The following LILRA5 variants were observed in gnomAD, a reference collection of about 807,000 sequenced individuals.
LILRA5 encodes leukocyte immunoglobulin like receptor A5.
LILRA5 carries 31 observed loss-of-function variants against 36.3 expected under a neutral mutation model. The ratio of observed to expected loss-of-function variants is 0.85; its 90% CI spans 0.64 to 1.15. The LOEUF (loss-of-function observed/expected upper bound fraction) is 1.15, where lower values mean the gene tolerates loss of function less well. Ranked by LOEUF, LILRA5 falls within the 50% of genes most tolerant of loss-of-function variation. The pLI, the probability that LILRA5 is intolerant of heterozygous loss-of-function variation, is 0.00. For synonymous variants in LILRA5, 144 were observed against 144.8 expected, an observed-to-expected ratio of 0.99 and a Z score of 0.04; for missense variants, 348 against 377.4, an observed-to-expected ratio of 0.92 and a Z score of 0.64.
rs748582535 is a variant in LILRA5 at position 54,311,561 on chromosome 19, G to T, written c.565C>A (p.Leu189Met). The T allele has an allele frequency of 2.7e-5, 44 of 1,614,086 alleles. No homozygotes were observed. The Admixed American group carries it at 5.2e-4, about 19-fold the overall frequency. The change falls in exon 5 of 7, where the codon CTG (leucine) becomes ATG (methionine). Residue 189 changes from leucine (L) to methionine (M), a missense_variant. Transcript: ENST00000432233. Reference protein sequence around the residue: ...HKLSWTLDSQLTPSGQFQALF... With the variant: ...HKLSWTLDSQMTPSGQFQALF... ...GCCTGGAACTGCCCACTGGGGGTCA[G>T]CTGTGAGTCCAAGGTCCAGGAGAGC...
Position 54,307,317 on chromosome 19 carries a change from T to A in LILRA5, c.*96A>T, listed in dbSNP as rs1042914832. 46 of 1,191,870 alleles carry A rather than the reference T, an allele frequency of 3.9e-5. No individual in the cohort carries two copies. Among genetic ancestry groups the A allele is most frequent in the Non-Finnish European group, 4.8e-5 (42 of 874,212 alleles). 73.8% of individuals were successfully genotyped at this position (1,191,870 alleles called of 1,614,324 possible). ...AGAAATTGCCAGCAGACAGTCCAGATGGCATAGGCCTCAGATGGTCTTCCC... is the reference window on the plus strand; with the variant it reads ...AGAAATTGCCAGCAGACAGTCCAGAAGGCATAGGCCTCAGATGGTCTTCCC... On this transcript the variant is annotated 3_prime_UTR_variant, in exon 7 of 7. Transcript: ENST00000432233.
At chr19:54,312,437 C>G in intron 2 of LILRA5, 67 bp from the exon 3 acceptor site, 1 of 1,614,124 alleles carries the variant, frequency 6.2e-7, no homozygotes, top group East Asian at 2.2e-5. Flanking sequence ...TGCCTGGGAA[C>G]CTCCTAAAAC....
chr19:54,312,358 C>A lies in LILRA5; in HGVS notation c.101G>T (p.Gly34Val). The part of the protein sequence containing the change: ...MVLLCLGLSL[G>V]PRTHVQAGNL... ...ACCTGCCTGCACGTGGGTCCTGGGG[C>A]CCAGACTCAGCCCTGGAAGAGAGTT... Residue 34 changes from glycine to valine, a missense_variant, in exon 3 of 7, where the codon GGC becomes GTC. Coordinates refer to ENST00000432233, the MANE Select transcript of LILRA5 (RefSeq NM_021250.4). 1.2e-6 allele frequency: 2 copies of A among 1,600,566 alleles called. No individual in the cohort carries two copies. The highest frequency in any genetic ancestry group is 1.7e-6 in the Non-Finnish European group (2 of 1,168,888).
chr19:54,307,553 G>C lies in LILRA5; in HGVS notation c.764-4C>G. On this transcript the variant is annotated splice_polypyrimidine_tract_variant and splice_region_variant and intron_variant, in intron 6 of 6. Transcript: ENST00000432233. ...GCGTAATCCTGAAGGTGTGAGGCTGGGGATGGTGGACAAAGAGGTCACAGA... is the reference window on the plus strand; with the variant it reads ...GCGTAATCCTGAAGGTGTGAGGCTGCGGATGGTGGACAAAGAGGTCACAGA... 6.2e-7 allele frequency: 1 copy of C among 1,613,976 alleles called. No individual in the cohort carries two copies. Among genetic ancestry groups the C allele is most frequent in the Non-Finnish European group, 8.5e-7 (1 of 1,179,922 alleles).
intron 5 of LILRA5, chr19:54,310,987 G>A (rs1480400433): frequency 5.4e-5 from 11 of 203,300 alleles, no homozygotes; most frequent in African/African-American, 2.4e-4. Context: ...ACAGAGTCTC[G>A]CTCTGTCACC....
rs1555916425 is a variant in LILRA5 at position 54,307,263 on chromosome 19, A to AG, written c.*149_*150insC. Reference sequence around the variant, plus strand: ...ATCTCAAAAAAAAAAAAAAAAAAAAAAAAGAAAGAAAAGAAAAGAAAGAAA... The same window carrying AG: ...ATCTCAAAAAAAAAAAAAAAAAAAAAGAAAGAAAGAAAAGAAAAGAAAGAAA... On this transcript the variant is annotated 3_prime_UTR_variant, in exon 7 of 7. Coordinates refer to ENST00000432233, the MANE Select transcript of LILRA5 (RefSeq NM_021250.4). 1.5e-5 allele frequency: 8 copies of AG among 548,212 alleles called. No individual in the cohort carries two copies. The East Asian group carries it at 2.1e-4, about 14-fold the overall frequency. The allele number at this position is 548,212 out of a possible 1,614,324, so 34.0% of individuals were successfully genotyped here.
chr19:54,307,758 A>C lies in LILRA5; in HGVS notation c.713-10T>G, dbSNP rs747150011. 11 of 1,613,688 alleles carry C rather than the reference A, an allele frequency of 6.8e-6. No individual in the cohort carries two copies. Among genetic ancestry groups the C allele is most frequent in the Non-Finnish European group, 8.5e-6 (10 of 1,179,676 alleles). ...AGGTTATCAGCTGCTCCTGAAAATC[A>C]AAACAGGGGAAGGGGAAGGAGAAGT... On this transcript the variant is annotated splice_polypyrimidine_tract_variant and intron_variant, in intron 5 of 6. Coordinates refer to ENST00000432233, the MANE Select transcript of LILRA5 (RefSeq NM_021250.4).
intron 4 of LILRA5, 40 bp from the exon 5 acceptor site, chr19:54,311,756 C>A (rs750870848): frequency 1.2e-5 from 19 of 1,609,884 alleles, no homozygotes; most frequent in Middle Eastern, 1.7e-4. Context: ...GGGGCTCCCA[C>A]CTCCCACATC....
At chr19:54,309,202 C>T (rs56339537) in intron 5 of LILRA5, 29,045 of 152,058 alleles carry the variant, frequency 0.19, 2,941 homozygotes, top group Middle Eastern at 0.33. Flanking sequence ...TGGTGGCTCA[C>T]GCCTGTAATC....
In LILRA5 at chr19:54,307,761, A is replaced by G; in HGVS notation, c.713-13T>C. 1.2e-6 allele frequency: 2 copies of G among 1,613,560 alleles called. No individual in the cohort carries two copies. Among genetic ancestry groups the G allele is most frequent in the Non-Finnish European group, 1.7e-6 (2 of 1,179,586 alleles). On this transcript the variant is annotated splice_polypyrimidine_tract_variant and intron_variant, in intron 5 of 6. Transcript: ENST00000432233. ...TTATCAGCTGCTCCTGAAAATCAAAACAGGGGAAGGGGAAGGAGAAGTTCT... is the reference window on the plus strand; with the variant it reads ...TTATCAGCTGCTCCTGAAAATCAAAGCAGGGGAAGGGGAAGGAGAAGTTCT...
chr19:54,309,869 T>C (rs2080973071), intron 5 of LILRA5: 2 of 155,562 alleles, frequency 1.3e-5, no homozygotes, highest in South Asian at 1.8e-4. Flanking sequence ...CAAGACGTGC[T>C]GTGAATAAGT....
intron 1 of LILRA5, 143 bp from the exon 2 acceptor site, chr19:54,312,764 A>G (rs1237392838): frequency 4.5e-6 from 4 of 886,444 alleles, no homozygotes; most frequent in Admixed American, 2.3e-5. Flanking sequence ...GCTGAAGTGA[A>G]GTAGTTGAGA....
At position 54,307,207 on chromosome 19, in the gene LILRA5, G is replaced by A; in HGVS notation, c.*206C>T. The A allele has an allele frequency of 5.5e-6, 2 of 366,428 alleles. No individual in the cohort carries two copies. The allele number at this position is 366,428 out of a possible 1,614,324, so 22.7% of individuals were successfully genotyped here. On this transcript the variant is annotated 3_prime_UTR_variant, in exon 7 of 7. Transcript: ENST00000432233. Reference sequence around the variant, plus strand: ...TGCAGTGAGCCCAGATTGCGCCACTGCATTCCAGCCTGGTGACAGAGCAAG... The same window carrying A: ...TGCAGTGAGCCCAGATTGCGCCACTACATTCCAGCCTGGTGACAGAGCAAG...
In LILRA5 at chr19:54,311,685, C is replaced by A. The variant is rs148391108; in HGVS notation, c.441G>T (p.Leu147=). 1.2e-6 allele frequency: 2 copies of A among 1,613,766 alleles called. No individual in the cohort carries two copies. The highest frequency in any genetic ancestry group is 1.7e-6 in the Non-Finnish European group (2 of 1,179,702). The change falls in exon 5 of 7, where the codon CTG becomes CTT. Residue 147 remains leucine, a synonymous_variant. Coordinates refer to ENST00000432233, the MANE Select transcript of LILRA5 (RefSeq NM_021250.4). ...CTCCTGAGGTCACCACAGGACTGGGCAGGGCTGAGAGGGTGGGTTTGTTGT... is the reference window on the plus strand; with the variant it reads ...CTCCTGAGGTCACCACAGGACTGGGAAGGGCTGAGAGGGTGGGTTTGTTGT... ...GFYNKPTLSA[L]PSPVVTSGEN... is the part of the protein sequence containing the mutation.
Position 54,311,556 on chromosome 19 carries a change from G to T in LILRA5, c.570C>A (p.Thr190=). ...ACAGGGCCTGGAACTGCCCACTGGG[G>T]GTCAGCTGTGAGTCCAAGGTCCAGG... The part of the protein sequence containing the change: ...KLSWTLDSQL[T]PSGQFQALFP... The change falls in exon 5 of 7, where the codon ACC becomes ACA. Residue 190 remains threonine (T), a synonymous_variant. Transcript: ENST00000432233. 6.2e-7 allele frequency: 1 copy of T among 1,614,158 alleles called. No homozygotes were observed. The highest frequency in any genetic ancestry group is 8.5e-7 in the Non-Finnish European group (1 of 1,180,032).
Position 54,311,622 on chromosome 19 carries a change from G to C in LILRA5, c.504C>G (p.Phe168Leu). The C allele has an allele frequency of 6.2e-7, 1 of 1,614,158 alleles. No individual in the cohort carries two copies. Among genetic ancestry groups the C allele is most frequent in the Non-Finnish European group, 8.5e-7 (1 of 1,180,028 alleles). The change falls in exon 5 of 7, where the codon TTC (phenylalanine) becomes TTG (leucine). Residue 168 changes from phenylalanine (F) to leucine (L), a missense_variant. By Grantham distance (22) the Phe-to-Leu change is conservative. Coordinates refer to ENST00000432233, the MANE Select transcript of LILRA5 (RefSeq NM_021250.4). ...VTLQCGSRLRFDRFILTEEGD... is the reference protein window; with the variant it reads ...VTLQCGSRLRLDRFILTEEGD... The stretch of plus-strand genomic sequence containing the variant: ...CTTCCTCAGTCAGAATGAACCTGTC[G>C]AATCTCAGCCGTGAGCCACACTGGA...
Position 54,311,437 on chromosome 19 carries a change from T to G in LILRA5, c.689A>C (p.Asp230Ala). 1.2e-6 allele frequency: 2 copies of G among 1,613,824 alleles called. No individual in the cohort carries two copies. Among genetic ancestry groups the G allele is most frequent in the Non-Finnish European group, 1.7e-6 (2 of 1,179,932 alleles). ...ACCTGAGACCGGAATCTCCAGGAGG[T>G]CACTGGGTTCTGACCATACCTGCAG... ...HILQVWSEPS[D>A]LLEIPVSGAA... The change falls in exon 5 of 7, where the codon GAC becomes GCC. Residue 230 changes from aspartate (D) to alanine (A), a missense_variant. By Grantham distance (126) the Asp-to-Ala change is moderately radical. Transcript: ENST00000432233.
intron 5 of LILRA5, chr19:54,310,357 A>C (rs978334360): frequency 1.2e-4 from 18 of 154,234 alleles, no homozygotes; most frequent in African/African-American, 4.3e-4. Context: ...GTAAAGCTGC[A>C]TGGTTTTTAG....
intron 5 of LILRA5, chr19:54,309,865 G>A (rs1199264368): frequency 1.3e-5 from 2 of 155,028 alleles, no homozygotes; most frequent in Admixed American, 6.5e-5. Flanking sequence ...CAGACAAGAC[G>A]TGCTGTGAAT....
Sources: gnomAD v4.1 joint callset for allele counts on GRCh38, gnomAD v4.1.1 for gene constraint, MANE v1.5 for transcripts, NCBI Gene and HGNC (gene_info 2026-07-23, HGNC 2026-07-21) for gene names.